RPS6KA5: variants seen among roughly 807,000 people sequenced by gnomAD.
RPS6KA5 encodes the protein ribosomal protein S6 kinase A5, also known as ribosomal protein S6 kinase alpha-5.
A neutral mutation model predicts 85.5 loss-of-function variants in RPS6KA5; 27 were observed. The observed-to-expected ratio is 0.32, with a 90% confidence interval of 0.23 to 0.44. RPS6KA5 has a LOEUF of 0.44. Ranked by LOEUF, RPS6KA5 falls within the 20% of genes least tolerant of loss-of-function variation. RPS6KA5 has a pLI of 1.00. For missense variants in RPS6KA5, 811 were observed against 980.9 expected (o/e 0.83, Z 2.31); for synonymous variants, 334 against 348.2 (o/e 0.96, Z 0.46).
rs904533546 is a variant in RPS6KA5 at position 91,060,571 on chromosome 14, T to C, written c.-137A>G. On this transcript the variant is annotated 5_prime_UTR_variant, in exon 1 of 17. Coordinates refer to ENST00000614987, the MANE Select transcript of RPS6KA5 (RefSeq NM_004755.4). ...TCCAGAACTCGGACGCAAAGACGAG[T>C]CTCTTTCCCGCTCTGGCCGCACGGC... The C allele has an allele frequency of 1.1e-4, 126 of 1,128,928 alleles. No individual in the cohort carries two copies. The highest frequency in any genetic ancestry group is 1.3e-4 in the Non-Finnish European group (115 of 891,396). 69.9% of individuals were successfully genotyped at this position (1,128,928 alleles called of 1,614,324 possible).
chr14:91,015,415 C>G (rs1283542251), intron 1 of RPS6KA5, among the ~76,000 whole-genome samples: 1 of 151,992 alleles, frequency 6.6e-6, no homozygotes, highest in Admixed American at 6.6e-5. Flanking sequence ...GCAAACATTC[C>G]AGCTTCCAAA....
At chr14:91,029,093 C>A (rs1163946183) in intron 1 of RPS6KA5, among the ~76,000 whole-genome samples, 1 of 152,072 alleles carries the variant, frequency 6.6e-6, no homozygotes, top group Non-Finnish European at 1.5e-5. Context: ...CGTTGATAAA[C>A]ATAAACATTA....
intron 5 of RPS6KA5, among the ~76,000 whole-genome samples, chr14:90,941,347 A>G (rs2037561672): frequency 6.6e-6 from 1 of 152,170 alleles, no homozygotes; most frequent in Non-Finnish European, 1.5e-5. Context: ...GACAACATCT[A>G]TGGAGATTTT....
intron 12 of RPS6KA5, among the ~76,000 whole-genome samples, chr14:90,894,841 T>C (rs1229936299): frequency 6.6e-6 from 1 of 152,200 alleles, no homozygotes; most frequent in East Asian, 1.9e-4. Flanking sequence ...CTGTGATGAA[T>C]TCTTTCATTT....
At chr14:90,890,901 ATGCCTCTTC>A (rs2034514546) in intron 13 of RPS6KA5, among the ~76,000 whole-genome samples, 2 of 152,034 alleles carry the variant, frequency 1.3e-5, no homozygotes, top group Admixed American at 1.3e-4. Context: ...CAACTGCACC[ATGCCTCTTC>A]TGATGTCAGA....
chr14:90,977,906 T>A (rs942099631), intron 3 of RPS6KA5, among the ~76,000 whole-genome samples: 2 of 151,994 alleles, frequency 1.3e-5, no homozygotes, highest in African/African-American at 4.8e-5. Context: ...AATACAAAAA[T>A]TAGCTGGGCA....
rs568293416 is a variant in RPS6KA5, at chr14:90,943,209, T to A, written c.511-24A>T. 3.8e-6 allele frequency: 5 copies of A among 1,321,534 alleles called. No homozygotes were observed. In the East Asian group the frequency reaches 1.2e-4, roughly 32 times the overall value. 81.9% of individuals were successfully genotyped at this position (1,321,534 alleles called of 1,614,324 possible). On this transcript the variant is annotated intron_variant, in intron 4 of 16. Transcript: ENST00000614987. ...AACTGCAAAAACAAAGAAATATAAA[T>A]TTTAAAATAATTTACAAAAAAATGA...
chr14:91,051,724 G>A (rs137997260), intron 1 of RPS6KA5, among the ~76,000 whole-genome samples: 577 of 152,014 alleles, frequency 3.8e-3, no homozygotes, highest in African/African-American at 0.013. Flanking sequence ...CCTGACCTCA[G>A]GTGATCCACC....
At chr14:90,982,592 C>T (rs957529466) in intron 2 of RPS6KA5, among the ~76,000 whole-genome samples, 1 of 152,232 alleles carries the variant, frequency 6.6e-6, no homozygotes, top group Non-Finnish European at 1.5e-5. Flanking sequence ...ATCAAATGCT[C>T]AATTAGCAAT....
At chr14:90,971,715 A>T (rs1052455196) in intron 3 of RPS6KA5, among the ~76,000 whole-genome samples, 1 of 152,260 alleles carries the variant, frequency 6.6e-6, no homozygotes, top group Non-Finnish European at 1.5e-5. Flanking sequence ...ACAGTGAGCC[A>T]TAAATACTAG....
intron 14 of RPS6KA5, among the ~76,000 whole-genome samples, chr14:90,885,445 T>C (rs1323117661): frequency 6.7e-4 from 85 of 126,350 alleles, no homozygotes; most frequent in South Asian, 1.3e-3. Context: ...CCCAGCTACT[T>C]GGGAGGCTGA....
In RPS6KA5 at chr14:91,060,393, G is replaced by C. The variant is rs756873050; in HGVS notation, c.42C>G (p.Thr14=). Residue 14 remains threonine (T), a synonymous_variant, in exon 1 of 17, where the codon ACC becomes ACG. Transcript: ENST00000614987. ...EGGSSGGAAG[T]SADGGDGGEQ... ...CTCCTCCGTCGCCGCCGTCCGCGCT[G>C]GTCCCCGCGGCGCCGCCGCTGCTGC... 2 of 1,509,200 alleles carry C rather than the reference G, an allele frequency of 1.3e-6. No individual in the cohort carries two copies. Among genetic ancestry groups the C allele is most frequent in the South Asian group, 1.3e-5 (1 of 78,768 alleles). 93.5% of individuals were successfully genotyped at this position (1,509,200 alleles called of 1,614,324 possible).
At chr14:90,906,342 A>C (rs2035502345) in intron 7 of RPS6KA5, 43 bp from the exon 8 acceptor site, 2 of 200,922 alleles carry the variant, frequency 1.0e-5, no homozygotes, top group Non-Finnish European at 1.4e-5. Context: ...ACAGGATGAC[A>C]AAAAAAAAAA....
At chr14:90,893,481 G>T (rs576987106) in intron 13 of RPS6KA5, among the ~76,000 whole-genome samples, 30 of 152,148 alleles carry the variant, frequency 2.0e-4, no homozygotes, top group Non-Finnish European at 4.4e-4. Context: ...GAGAAGAAAA[G>T]AATTCCATTT....
chr14:91,014,766 T>C (rs1337019803), intron 1 of RPS6KA5, among the ~76,000 whole-genome samples: 1 of 152,190 alleles, frequency 6.6e-6, no homozygotes, highest in African/African-American at 2.4e-5. Context: ...AAAAAACATG[T>C]ATTAATGCAC....
At chr14:91,044,360 AAAGAGAAAGAAAGAAG>A (rs1163979941) in intron 1 of RPS6KA5, among the ~76,000 whole-genome samples, 1,923 of 20,464 alleles carry the variant, frequency 0.094, 43 homozygotes, top group Middle Eastern at 0.14. Context: ...AGAAAGAAAG[AAAGAGAAAGAAAGAAG>A]GAAAGAAAGA....
chr14:90,970,646 T>A (rs186010581), intron 3 of RPS6KA5, among the ~76,000 whole-genome samples: 3 of 152,312 alleles, frequency 2.0e-5, no homozygotes, highest in East Asian at 3.9e-4. Context: ...AAAGAAAAAT[T>A]ATTTTTACAG....
chr14:91,027,063 T>C (rs1044467159), intron 1 of RPS6KA5, among the ~76,000 whole-genome samples: 1 of 152,210 alleles, frequency 6.6e-6, no homozygotes, highest in Admixed American at 6.5e-5. Flanking sequence ...TTTTCTCCCA[T>C]TGAGTATGCT....
chr14:90,906,936 T>C (rs1451329794), intron 7 of RPS6KA5, among the ~76,000 whole-genome samples: 1 of 152,148 alleles, frequency 6.6e-6, no homozygotes, highest in Admixed American at 6.5e-5. Flanking sequence ...AGACAAGCCC[T>C]ATGAGGCAGG....
Sources: gnomAD v4.1 joint callset for allele counts (sites outside exome capture counted in the v4.1 genomes callset) on GRCh38, gnomAD v4.1.1 for gene constraint, MANE v1.5 for transcripts, NCBI Gene and HGNC (gene_info 2026-07-23, HGNC 2026-07-21) for gene names.